HOMER1: variants seen among roughly 807,000 people sequenced by gnomAD.
HOMER1 encodes the protein homer scaffold protein 1, also known as homer protein homolog 1.
Under a neutral mutation model 48.9 loss-of-function variants are expected in HOMER1, and 3 were observed. The ratio of observed to expected loss-of-function variants is 0.06; its 90% CI spans 0.03 to 0.16. The LOEUF is 0.16. HOMER1 is among the 10% of genes least tolerant of loss of function. The pLI is 1.00. For synonymous variants in HOMER1, 134 were observed against 146.4 expected (o/e 0.92, Z 0.61); for missense variants, 247 against 411.4 (o/e 0.60, Z 3.46).
intron 1 of HOMER1, among the ~76,000 whole-genome samples, chr5:79,507,004 G>T (rs902235978): frequency 1.3e-5 from 2 of 151,836 alleles, no homozygotes; most frequent in African/African-American, 2.4e-5. Context: ...ACGAGGTCAG[G>T]AGTTCGAAAC....
At chr5:79,463,267 A>G (rs563961840) in intron 1 of HOMER1, among the ~76,000 whole-genome samples, 1 of 152,312 alleles carries the variant, frequency 6.6e-6, no homozygotes, top group South Asian at 2.1e-4. Flanking sequence ...TTAGGAATGG[A>G]CCTCTGAAAC....
chr5:79,456,332 G>A (rs1366760477), intron 2 of HOMER1, among the ~76,000 whole-genome samples: 1 of 152,186 alleles, frequency 6.6e-6, no homozygotes, highest in Non-Finnish European at 1.5e-5. Flanking sequence ...AGATGGTGGA[G>A]TTGAGATCTG....
chr5:79,415,935 T>C (rs73769655), intron 5 of HOMER1, among the ~76,000 whole-genome samples: 21 of 152,300 alleles, frequency 1.4e-4, no homozygotes, highest in African/African-American at 4.3e-4. Flanking sequence ...TTCTCATCTA[T>C]AAAATTAGGG....
chr5:79,382,023 C>G (rs919767674), intron 8 of HOMER1, among the ~76,000 whole-genome samples: 1 of 151,758 alleles, frequency 6.6e-6, no homozygotes, highest in Non-Finnish European at 1.5e-5. Context: ...ATAAAAAATA[C>G]ATTCAAAAGA....
intron 8 of HOMER1, among the ~76,000 whole-genome samples, chr5:79,384,259 A>G (rs1382526311): frequency 6.6e-6 from 1 of 152,136 alleles, no homozygotes; most frequent in Non-Finnish European, 1.5e-5. Flanking sequence ...AAATTGATAA[A>G]TCACTAGCTA....
intron 1 of HOMER1, among the ~76,000 whole-genome samples, chr5:79,464,838 C>G (rs558822137): frequency 1.3e-5 from 2 of 152,106 alleles, no homozygotes; most frequent in Non-Finnish European, 2.9e-5. Context: ...AAACCATATA[C>G]GAACTTTGAA....
At chr5:79,495,187 G>A (rs1752387165) in intron 1 of HOMER1, among the ~76,000 whole-genome samples, 1 of 152,118 alleles carries the variant, frequency 6.6e-6, no homozygotes, top group African/African-American at 2.4e-5. Context: ...TAATCTAGAG[G>A]AAGAGTACAA....
intron 4 of HOMER1, among the ~76,000 whole-genome samples, chr5:79,441,728 AG>A (rs1750742856): frequency 6.6e-6 from 1 of 152,178 alleles, no homozygotes; most frequent in Non-Finnish European, 1.5e-5. Context: ...TTTACTGATG[AG>A]AAACAACAAA....
chr5:79,435,620 AG>A (rs1750553746), intron 5 of HOMER1, among the ~76,000 whole-genome samples: 1 of 145,120 alleles, frequency 6.9e-6, no homozygotes, highest in Non-Finnish European at 1.5e-5. Context: ...TCATGAGGTC[AG>A]GAGATTGAGA....
At chr5:79,503,038 T>C (rs369793886) in intron 1 of HOMER1, among the ~76,000 whole-genome samples, 279 of 152,118 alleles carry the variant, frequency 1.8e-3, no homozygotes, top group Non-Finnish European at 3.0e-3. Flanking sequence ...CTGCCCGCCT[T>C]GGCCTCCCAA....
At chr5:79,419,240 A>C (rs1364067518) in intron 5 of HOMER1, among the ~76,000 whole-genome samples, 1 of 152,198 alleles carries the variant, frequency 6.6e-6, no homozygotes, top group Non-Finnish European at 1.5e-5. Context: ...ATTTTACAAT[A>C]GTATATGAAC....
chr5:79,498,407 G>C (rs1240971752), intron 1 of HOMER1, among the ~76,000 whole-genome samples: 1 of 152,132 alleles, frequency 6.6e-6, no homozygotes, highest in Non-Finnish European at 1.5e-5. Context: ...AAAAAAAAGA[G>C]TTAAAGCATT....
At chr5:79,459,125 G>A (rs1751249459) in intron 1 of HOMER1, among the ~76,000 whole-genome samples, 1 of 151,886 alleles carries the variant, frequency 6.6e-6, no homozygotes, top group African/African-American at 2.4e-5. Flanking sequence ...TTTTCATTTG[G>A]TAGGGGTTAA....
intron 8 of HOMER1, among the ~76,000 whole-genome samples, chr5:79,379,884 A>G (rs913070252): frequency 6.6e-6 from 1 of 152,174 alleles, no homozygotes; most frequent in African/African-American, 2.4e-5. Flanking sequence ...GATAAAGCAC[A>G]GTAGACCAGA....
At position 79,374,312 on chromosome 5, in the gene HOMER1, T is replaced by C. The variant is rs2112176945; in HGVS notation, c.*1697A>G. On this transcript the variant is annotated 3_prime_UTR_variant, in exon 9 of 9. Transcript: ENST00000334082. ...GTACATGATGTTACAGCACATATAA[T>C]ACATGATTGTTATAAATTTTTCAGA... 6.6e-6 allele frequency: 1 copy of C among 152,532 alleles called. No homozygotes were observed. The highest frequency in any genetic ancestry group is 2.4e-5 in the African/African-American group (1 of 41,568). The allele number at this position is 152,532 out of a possible 1,614,324, so 9.4% of individuals were successfully genotyped here.
At chr5:79,489,213 A>G (rs1208642015) in intron 1 of HOMER1, among the ~76,000 whole-genome samples, 1 of 152,128 alleles carries the variant, frequency 6.6e-6, no homozygotes, top group African/African-American at 2.4e-5. Flanking sequence ...AGAGAGAGAG[A>G]TTTCAAAATA....
chr5:79,441,896 A>C (rs1750746579), intron 4 of HOMER1, among the ~76,000 whole-genome samples: 4 of 151,996 alleles, frequency 2.6e-5, no homozygotes, highest in Admixed American at 2.6e-4. Flanking sequence ...ACATATTCTA[A>C]GCATCTATTT....
intron 4 of HOMER1, 63 bp from the exon 5 acceptor site, chr5:79,439,212 C>A: frequency 6.5e-7 from 1 of 1,547,892 alleles, no homozygotes; most frequent in Non-Finnish European, 8.8e-7. Context: ...ACAATATCAT[C>A]TTGAGGTTAA....
chr5:79,448,627 T>G (rs1250379610), intron 3 of HOMER1, among the ~76,000 whole-genome samples: 2 of 152,210 alleles, frequency 1.3e-5, no homozygotes, highest in Non-Finnish European at 2.9e-5. Context: ...TATAATGTTT[T>G]GACTTACTCA....
Sources: gnomAD v4.1 joint callset for allele counts (sites outside exome capture counted in the v4.1 genomes callset) on GRCh38, gnomAD v4.1.1 for gene constraint, MANE v1.5 for transcripts, NCBI Gene and HGNC (gene_info 2026-07-23, HGNC 2026-07-21) for gene names.